The following HECW2 variants were observed in gnomAD, a reference collection of about 807,000 sequenced individuals.
The protein encoded by HECW2 is HECT, C2 and WW domain containing E3 ubiquitin protein ligase 2.
HECW2 carries 61 observed loss-of-function variants against 175.2 expected under a neutral mutation model. The ratio of observed to expected loss-of-function variants is 0.35; its 90% confidence interval spans 0.28 to 0.43. The LOEUF is 0.43. Ranked by LOEUF, HECW2 falls within the 20% of genes least tolerant of loss-of-function variation. The pLI is 1.00. For missense variants in HECW2, 1,524 were observed against 2,000.5 expected (o/e 0.76, Z 4.54); for synonymous variants, 671 against 731.0 (o/e 0.92, Z 1.32).
At chr2:196,497,297 C>T (rs934669475) in intron 1 of HECW2, among the ~76,000 whole-genome samples, 5 of 152,156 alleles carry the variant, frequency 3.3e-5, no homozygotes, top group African/African-American at 1.2e-4. Context: ...CAAATCATTT[C>T]ACCTAGGAAA....
At chr2:196,263,953 C>T (rs1202559073) in intron 17 of HECW2, 2 of 152,118 alleles carry the variant, frequency 1.3e-5, no homozygotes, top group Non-Finnish European at 2.9e-5. Flanking sequence ...ATTCCTTTTT[C>T]AACAGACAGT....
At chr2:196,510,936 G>A in intron 1 of HECW2, among the ~76,000 whole-genome samples, 3 of 151,696 alleles carry the variant, frequency 2.0e-5, no homozygotes, top group Middle Eastern at 6.8e-3. Context: ...TTTGTTTGGG[G>A]TTTTTTTCTT....
intron 11 of HECW2, 92 bp downstream of exon 11, chr2:196,307,843 A>T: frequency 8.1e-7 from 1 of 1,227,152 alleles, no homozygotes; most frequent in South Asian, 2.3e-5. Context: ...ACACACAAAG[A>T]TCAAAGAGAC....
chr2:196,577,893 C>T (rs1225353312), intron 1 of HECW2, among the ~76,000 whole-genome samples: 1 of 152,124 alleles, frequency 6.6e-6, no homozygotes, highest in Non-Finnish European at 1.5e-5. Context: ...AGCAACAATA[C>T]CACATCCTCG....
intron 14 of HECW2, chr2:196,289,065 GA>G (rs1227391447): frequency 6.6e-6 from 1 of 152,230 alleles, no homozygotes; most frequent in African/African-American, 2.4e-5. Flanking sequence ...ACATACTCCA[GA>G]ATACTACACT....
At chr2:196,247,295 G>A (rs1419020468) in intron 19 of HECW2, among the ~76,000 whole-genome samples, 3 of 152,094 alleles carry the variant, frequency 2.0e-5, no homozygotes. Context: ...TTATGCTGTT[G>A]GCCTTTGTCA....
intron 19 of HECW2, among the ~76,000 whole-genome samples, chr2:196,244,685 C>G (rs1450046085): frequency 6.6e-6 from 1 of 152,160 alleles, no homozygotes; most frequent in East Asian, 1.9e-4. Context: ...TAATTGGAAC[C>G]ACACCTTGCA....
chr2:196,566,699 ATTTTTTTT>A (rs58391487), intron 1 of HECW2, among the ~76,000 whole-genome samples: 9 of 94,200 alleles, frequency 9.6e-5, no homozygotes, highest in East Asian at 3.1e-4. Context: ...CACCCAGCTA[ATTTTTTTT>A]TTTTTTTTTT....
At chr2:196,456,007 G>A (rs1696499752) in intron 1 of HECW2, among the ~76,000 whole-genome samples, 1 of 151,720 alleles carries the variant, frequency 6.6e-6, no homozygotes, top group African/African-American at 2.4e-5. Flanking sequence ...TATACATTTG[G>A]AAAGGAGACT....
At chr2:196,299,963 C>T (rs1019695335) in intron 13 of HECW2, among the ~76,000 whole-genome samples, 2 of 152,004 alleles carry the variant, frequency 1.3e-5, no homozygotes, top group African/African-American at 4.8e-5. Context: ...CCTTATACCA[C>T]AACTCAGTGA....
chr2:196,268,981 T>A (rs546570422), intron 17 of HECW2, among the ~76,000 whole-genome samples: 1 of 152,238 alleles, frequency 6.6e-6, no homozygotes, highest in African/African-American at 2.4e-5. Flanking sequence ...ACATGCAAAA[T>A]CTTCACTTGC....
At chr2:196,518,490 T>C (rs1238398388) in intron 1 of HECW2, among the ~76,000 whole-genome samples, 5 of 151,756 alleles carry the variant, frequency 3.3e-5, no homozygotes, top group Admixed American at 2.6e-4. Context: ...ACCCCATCTC[T>C]ATTAAAAATA....
chr2:196,251,232 G>T (rs1688842051), intron 19 of HECW2, among the ~76,000 whole-genome samples: 1 of 152,128 alleles, frequency 6.6e-6, no homozygotes, highest in South Asian at 2.1e-4. Flanking sequence ...GTGAAACCCG[G>T]CTCCCCTGAA....
At chr2:196,444,728 G>A (rs1012530659) in intron 1 of HECW2, among the ~76,000 whole-genome samples, 1 of 152,210 alleles carries the variant, frequency 6.6e-6, no homozygotes, top group Non-Finnish European at 1.5e-5. Flanking sequence ...AACAGGGAAG[G>A]CCTCTCACAA....
intron 3 of HECW2, among the ~76,000 whole-genome samples, chr2:196,338,518 T>C (rs553487440): frequency 6.6e-6 from 1 of 152,320 alleles, no homozygotes; most frequent in African/African-American, 2.4e-5. Context: ...TTATATAAGA[T>C]TATATTTCAA....
Position 196,486,266 on chromosome 2 carries a change from T to C in HECW2, c.-35-52808A>G, listed in dbSNP as rs187562147. On this transcript the variant is annotated intron_variant, in intron 1 of 28. Coordinates refer to ENST00000644978, the MANE Select transcript of HECW2 (RefSeq NM_001348768.2). ...AGCGTTTACATGGAGTCACAACATT[T>C]CTCTATGCAAACTAAATGGTATTTT... 6.6e-4 allele frequency among the ~76,000 whole-genome samples: 101 copies of C among 152,302 alleles called. 1 individual carries two copies. Among genetic ancestry groups the C allele is most frequent in the African/African-American group, 2.4e-3 (99 of 41,560 alleles).
chr2:196,497,550 G>T (rs1361049716), intron 1 of HECW2, among the ~76,000 whole-genome samples: 1 of 152,026 alleles, frequency 6.6e-6, no homozygotes, highest in Non-Finnish European at 1.5e-5. Flanking sequence ...CCAAATGAAG[G>T]CCTTAGCAAC....
At chr2:196,333,133 T>G (rs548480227) in intron 4 of HECW2, among the ~76,000 whole-genome samples, 1 of 152,194 alleles carries the variant, frequency 6.6e-6, no homozygotes, top group East Asian at 1.9e-4. Flanking sequence ...TCAGGACAAA[T>G]CCTACTACAC....
chr2:196,536,802 T>C (rs893192841), intron 1 of HECW2, among the ~76,000 whole-genome samples: 1 of 152,144 alleles, frequency 6.6e-6, no homozygotes, highest in Non-Finnish European at 1.5e-5. Flanking sequence ...TGAGCATCAA[T>C]ACACCAAGTT....
Sources: allele counts gnomAD v4.1 joint callset (sites outside exome capture counted in the v4.1 genomes callset), GRCh38; gene constraint gnomAD v4.1.1; transcripts MANE v1.5; gene names NCBI Gene and HGNC (gene_info 2026-07-23, HGNC 2026-07-21).